Variants in OMA1 observed in about 807,000 individuals in gnomAD.
The protein encoded by OMA1 is metalloendopeptidase OMA1, mitochondrial.
A neutral mutation model predicts 30.9 loss-of-function variants in OMA1; 38 were observed. The ratio of observed to expected loss-of-function variants is 1.23; its 90% CI spans 0.95 to 1.61. OMA1 has a LOEUF of 1.61. OMA1 is among the 40% of genes most tolerant of loss of function. OMA1 has a pLI of 0.00. For missense variants in OMA1, 461 were observed against 349.2 expected (o/e 1.32, Z -2.55); for synonymous variants, 173 against 121.9 (o/e 1.42, Z -2.76).
chr1:58,513,670 T>A (rs1330092367), intron 7 of OMA1, among the ~76,000 whole-genome samples: 7 of 152,200 alleles, frequency 4.6e-5, no homozygotes. Context: ...AATATCTGGG[T>A]TCAAAATACT....
intron 8 of OMA1, among the ~76,000 whole-genome samples, chr1:58,493,694 G>A (rs1645742114): frequency 6.6e-6 from 1 of 151,620 alleles, no homozygotes; most frequent in Non-Finnish European, 1.5e-5. Flanking sequence ...AAAATAGCTA[G>A]GAATCCAACT....
chr1:58,541,990 A>C (rs1646631048), intron 1 of OMA1, among the ~76,000 whole-genome samples: 1 of 152,204 alleles, frequency 6.6e-6, no homozygotes, highest in African/African-American at 2.4e-5. Context: ...AGCTAATACG[A>C]TATTATCTAG....
At chr1:58,534,429 T>A (rs889275855) in intron 3 of OMA1, 98 bp from the exon 4 acceptor site, 1 of 600,128 alleles carries the variant, frequency 1.7e-6, no homozygotes, top group African/African-American at 1.9e-5. Context: ...TTGAACATTT[T>A]AAGTTTTAAT....
intron 1 of OMA1, 102 bp from the exon 2 acceptor site, chr1:58,539,412 C>T: frequency 4.7e-6 from 3 of 635,652 alleles, no homozygotes; most frequent in South Asian, 2.0e-5. Flanking sequence ...TCTTCTAACA[C>T]ATCTCAGGCT....
At chr1:58,524,650 T>C (rs1336530962) in intron 7 of OMA1, among the ~76,000 whole-genome samples, 1 of 152,234 alleles carries the variant, frequency 6.6e-6, no homozygotes, top group Non-Finnish European at 1.5e-5. Flanking sequence ...GATTCGTTTA[T>C]GTTGAAATGG....
chr1:58,518,267 AGAGAG>A (rs1194614573), intron 7 of OMA1, among the ~76,000 whole-genome samples: 46 of 874 alleles, frequency 0.053, 18 homozygotes, highest in Admixed American at 0.11. Flanking sequence ...AGGGGAGAGG[AGAGAG>A]GAGAGGAGAA....
At chr1:58,494,479 G>A (rs950799812) in intron 8 of OMA1, among the ~76,000 whole-genome samples, 2 of 152,126 alleles carry the variant, frequency 1.3e-5, no homozygotes, top group African/African-American at 2.4e-5. Context: ...GAGTGAACAG[G>A]CAACCTACAG....
chr1:58,530,333 T>C (rs1008420701), intron 6 of OMA1, among the ~76,000 whole-genome samples: 1 of 152,342 alleles, frequency 6.6e-6, no homozygotes, highest in East Asian at 1.9e-4. Flanking sequence ...GTAAAACCAA[T>C]AAATATATTT....
intron 7 of OMA1, among the ~76,000 whole-genome samples, chr1:58,526,799 AG>A (rs1557453916): frequency 6.6e-6 from 1 of 152,124 alleles, no homozygotes; most frequent in East Asian, 1.9e-4. Flanking sequence ...CAGAGAAGCA[AG>A]GGGTAAAATA....
rs369483289 is a variant in OMA1, at chr1:58,534,058, A to G, written c.906T>C (p.Asn302=). 1.1e-5 allele frequency: 10 copies of G among 870,418 alleles called. No homozygotes were observed. In the African/African-American group the frequency reaches 1.6e-4, roughly 14 times the overall value. 53.9% of individuals were successfully genotyped at this position (870,418 alleles called of 1,614,324 possible). ...ATCCAGTGAAAACAAACATTTGTCC[A>G]TTCTGCACCACAAAGAAAATAATGT... ...SPIINAFVLP[N]GQMFVFTGFL... The change falls in exon 5 of 9, where the codon AAT becomes AAC. Residue 302 remains asparagine, a splice_region_variant and synonymous_variant. Transcript: ENST00000371226.
intron 7 of OMA1, among the ~76,000 whole-genome samples, chr1:58,526,601 C>CAAAAA (rs10574530): frequency 2.0e-3 from 240 of 121,344 alleles, no homozygotes; most frequent in African/African-American, 7.5e-3. Flanking sequence ...CTATGGCTAG[C>CAAAAA]AAAAAAAAAA....
intron 7 of OMA1, among the ~76,000 whole-genome samples, chr1:58,508,886 TC>T (rs1646030453): frequency 6.7e-6 from 1 of 149,686 alleles, no homozygotes; most frequent in Non-Finnish European, 1.5e-5. Context: ...TTCTAACATT[TC>T]TGAGGGCTGT....
At chr1:58,535,256 T>G (rs1646497637) in intron 3 of OMA1, among the ~76,000 whole-genome samples, 2 of 152,168 alleles carry the variant, frequency 1.3e-5, no homozygotes, top group African/African-American at 4.8e-5. Flanking sequence ...AAATTAAAAA[T>G]GTTCTGAAAT....
At chr1:58,545,404 A>G (rs934960309) in intron 1 of OMA1, among the ~76,000 whole-genome samples, 1 of 152,196 alleles carries the variant, frequency 6.6e-6, no homozygotes, top group Non-Finnish European at 1.5e-5. Context: ...ACAGTGCCTG[A>G]TATTTTGTAA....
chr1:58,490,884 C>G (rs975116547), intron 8 of OMA1, among the ~76,000 whole-genome samples: 2 of 140,110 alleles, frequency 1.4e-5, no homozygotes, highest in Non-Finnish European at 3.0e-5. Flanking sequence ...CGGCTCACAG[C>G]AAGCTCTGCC....
At chr1:58,542,922 G>T (rs141499451) in intron 1 of OMA1, among the ~76,000 whole-genome samples, 191 of 152,150 alleles carry the variant, frequency 1.3e-3, no homozygotes, top group African/African-American at 4.4e-3. Context: ...GTGTAAGTTG[G>T]GTCTACAGCG....
intron 8 of OMA1, among the ~76,000 whole-genome samples, chr1:58,494,752 TAA>T (rs1645765807): frequency 6.6e-6 from 1 of 152,016 alleles, no homozygotes; most frequent in South Asian, 2.1e-4. Flanking sequence ...TGGCGATCAT[TAA>T]AAAGTCAGGA....
chr1:58,527,343 G>A lies in OMA1; in HGVS notation c.1141-8C>T. The A allele has an allele frequency of 2.3e-6, 2 of 870,570 alleles. No individual in the cohort carries two copies. The highest frequency in any genetic ancestry group is 1.3e-5 in the South Asian group (1 of 76,402). The allele number at this position is 870,570 out of a possible 1,614,324, so 53.9% of individuals were successfully genotyped here. A position where few individuals can be genotyped will look rare whatever the true frequency, so the allele number is the denominator to read the frequency against. ...TGGTCTATTAAACATATACTAAGAA[G>A]AAATGACAGAAAAGCTCCATTAAGA... is the stretch of plus-strand genomic sequence containing the variant. On this transcript the variant is annotated splice_polypyrimidine_tract_variant and splice_region_variant and intron_variant, in intron 6 of 8. Coordinates refer to ENST00000371226, the MANE Select transcript of OMA1 (RefSeq NM_145243.5).
intron 7 of OMA1, among the ~76,000 whole-genome samples, chr1:58,517,891 GAA>G (rs986822784): frequency 6.6e-6 from 1 of 151,788 alleles, no homozygotes; most frequent in Non-Finnish European, 1.5e-5. Context: ...CTTATCTTAA[GAA>G]AGTGAGTATC....
Sources: allele counts gnomAD v4.1 joint callset (sites outside exome capture counted in the v4.1 genomes callset), GRCh38; gene constraint gnomAD v4.1.1; transcripts MANE v1.5; gene names NCBI Gene and HGNC (gene_info 2026-07-23, HGNC 2026-07-21).